The following WFDC9 variants were observed in gnomAD, a reference collection of about 807,000 sequenced individuals.
WFDC9 encodes the protein WAP four-disulfide core domain 9.
In WFDC9, 9 loss-of-function variants were observed where a neutral mutation model predicts 9.5. That is an observed-to-expected ratio of 0.95 (90% CI 0.57 to 1.65). The LOEUF is 1.65. WFDC9 is among the 40% of genes most tolerant of loss of function. WFDC9 has a pLI of 0.00. For missense variants in WFDC9, 87 were observed against 106.7 expected, an observed-to-expected ratio of 0.82 and a Z score of 0.81; for synonymous variants, 33 against 32.3, an observed-to-expected ratio of 1.02 and a Z score of -0.07.
chr20:45,610,271 C>T (rs2145594649), intron 2 of WFDC9, 32 bp from the exon 3 acceptor site: 2 of 1,138,150 alleles, frequency 1.8e-6, no homozygotes, highest in Non-Finnish European at 2.6e-6. Context: ...TTGAGGAGAA[C>T]AGGGTAAGCA....
In WFDC9 at chr20:45,625,807, C is replaced by CTTTTTT. The variant is rs76758338; in HGVS notation, c.-153+5390_-153+5395dup. On this transcript the variant is annotated intron_variant, in intron 1 of 4. Transcript: ENST00000326000. ...TGGATTTATTTCTAGGTTCTCTATT[C>CTTTTTT]TTTTTTTTTTTTTTTTTTTTTTTTT... Among the ~76,000 whole-genome samples the CTTTTTT allele has an allele frequency of 1.3e-3, 59 of 46,408 alleles. 12 individuals carry two copies. Among genetic ancestry groups the CTTTTTT allele is most frequent in the East Asian group, 7.8e-3 (8 of 1,026 alleles). 30.4% of individuals were successfully genotyped at this position (46,408 alleles called of 152,430 possible).
intron 2 of WFDC9, among the ~76,000 whole-genome samples, chr20:45,613,916 T>A (rs528649804): frequency 6.6e-6 from 1 of 152,294 alleles, no homozygotes; most frequent in East Asian, 1.9e-4. Flanking sequence ...AAAGTGGGCA[T>A]AGATTGCAGT....
chr20:45,619,312 T>C (rs1247884100), intron 1 of WFDC9, among the ~76,000 whole-genome samples: 2 of 152,218 alleles, frequency 1.3e-5, no homozygotes, highest in African/African-American at 2.4e-5. Flanking sequence ...CTCATGATTC[T>C]GGATCAAGCT....
intron 1 of WFDC9, among the ~76,000 whole-genome samples, chr20:45,618,020 C>T (rs969612802): frequency 2.6e-5 from 4 of 152,172 alleles, no homozygotes; most frequent in African/African-American, 9.7e-5. Context: ...CAGTTCAAAT[C>T]TGTGTTGTTA....
chr20:45,613,526 G>A (rs1465011607), intron 2 of WFDC9, among the ~76,000 whole-genome samples: 1 of 152,106 alleles, frequency 6.6e-6, no homozygotes, highest in Non-Finnish European at 1.5e-5. Context: ...TAAGAGATTC[G>A]AGCAGAGGCA....
intron 1 of WFDC9, among the ~76,000 whole-genome samples, chr20:45,621,704 T>A (rs1432791384): frequency 6.6e-6 from 1 of 152,246 alleles, no homozygotes; most frequent in African/African-American, 2.4e-5. Context: ...TGAGCTTCCC[T>A]GGTAGACAAC....
chr20:45,624,865 G>T (rs1300322029), intron 1 of WFDC9, among the ~76,000 whole-genome samples: 1 of 152,086 alleles, frequency 6.6e-6, no homozygotes, highest in Non-Finnish European at 1.5e-5. Context: ...TCATATATTT[G>T]TTGGTCATTT....
At chr20:45,616,810 T>C (rs1031805074) in intron 1 of WFDC9, among the ~76,000 whole-genome samples, 4 of 152,218 alleles carry the variant, frequency 2.6e-5, no homozygotes, top group African/African-American at 9.6e-5. Flanking sequence ...AAATATTCAG[T>C]ATACCATGCT....
At chr20:45,612,700 T>C (rs962620998) in intron 2 of WFDC9, among the ~76,000 whole-genome samples, 2 of 151,972 alleles carry the variant, frequency 1.3e-5, no homozygotes, top group African/African-American at 4.8e-5. Flanking sequence ...AAATTAGAAA[T>C]AGGAAAAAAA....
chr20:45,628,357 T>C (rs867972301), intron 1 of WFDC9, among the ~76,000 whole-genome samples: 6 of 151,824 alleles, frequency 4.0e-5, no homozygotes, highest in Non-Finnish European at 7.4e-5. Flanking sequence ...AGAAAAAGAG[T>C]GTGAAAGAGA....
intron 1 of WFDC9, among the ~76,000 whole-genome samples, chr20:45,629,260 A>G (rs932889744): frequency 6.6e-6 from 1 of 152,244 alleles, no homozygotes; most frequent in Admixed American, 6.5e-5. Context: ...TCTCTAGATT[A>G]TTAGTAATTA....
intron 1 of WFDC9, among the ~76,000 whole-genome samples, chr20:45,616,961 G>C (rs1981987177): frequency 6.6e-6 from 1 of 152,162 alleles, no homozygotes. Flanking sequence ...TTGGCCCCTA[G>C]CAAGAAAGTC....
At chr20:45,608,228 G>A in intron 4 of WFDC9, 88 bp from the exon 5 acceptor site, 1 of 1,417,408 alleles carries the variant, frequency 7.1e-7, no homozygotes, top group Non-Finnish European at 9.7e-7. Context: ...AGATGAAAAA[G>A]GACAGCAATT....
chr20:45,624,786 C>T (rs1982180053), intron 1 of WFDC9, among the ~76,000 whole-genome samples: 1 of 152,066 alleles, frequency 6.6e-6, no homozygotes, highest in Admixed American at 6.5e-5. Context: ...GAGGTGATAC[C>T]TCATTATAGT....
intron 3 of WFDC9, among the ~76,000 whole-genome samples, chr20:45,609,751 G>T (rs2145594353): frequency 1.3e-5 from 2 of 152,126 alleles, no homozygotes; most frequent in East Asian, 1.9e-4. Context: ...ATTCATCAAA[G>T]GCTCACCCAA....
At chr20:45,613,866 T>C (rs141192627) in intron 2 of WFDC9, among the ~76,000 whole-genome samples, 23 of 152,338 alleles carry the variant, frequency 1.5e-4, no homozygotes, top group Middle Eastern at 3.4e-3. Context: ...CTCTGTTATC[T>C]GCTTACAGCC....
intron 1 of WFDC9, among the ~76,000 whole-genome samples, chr20:45,620,595 C>CA (rs560593288): frequency 5.3e-5 from 8 of 151,752 alleles, no homozygotes; most frequent in South Asian, 4.2e-4. Context: ...CTGTCTCAAA[C>CA]AAAAAAAACT....
intron 1 of WFDC9, among the ~76,000 whole-genome samples, chr20:45,617,258 C>T (rs921124211): frequency 2.0e-4 from 30 of 152,264 alleles, no homozygotes; most frequent in Admixed American, 3.9e-4. Context: ...ATTTCGAGAC[C>T]AGCCTGGCCA....
intron 1 of WFDC9, 182 bp downstream of exon 1, chr20:45,631,021 G>A (rs1982355906): frequency 6.3e-7 from 1 of 1,593,808 alleles, no homozygotes; most frequent in Non-Finnish European, 8.5e-7. Context: ...TCCTGTGAGT[G>A]GGAGAGTGGG....
Sources: allele counts gnomAD v4.1 joint callset (sites outside exome capture counted in the v4.1 genomes callset), GRCh38; gene constraint gnomAD v4.1.1; transcripts MANE v1.5; gene names NCBI Gene and HGNC (gene_info 2026-07-23, HGNC 2026-07-21).